Variants in FRMD4B observed in about 807,000 individuals in gnomAD.
FRMD4B encodes the protein FERM domain containing 4B, also known as FERM domain-containing protein 4B.
Under a neutral mutation model 141.5 loss-of-function variants are expected in FRMD4B, and 74 were observed. That is an observed-to-expected ratio of 0.52 (90% CI 0.43 to 0.63). The LOEUF is 0.63. Ranked by LOEUF, FRMD4B falls within the 30% of genes least tolerant of loss-of-function variation. The pLI, the probability that FRMD4B is intolerant of heterozygous loss-of-function variation, is 0.00. For missense variants in FRMD4B, 1,366 were observed against 1,253.4 expected, an observed-to-expected ratio of 1.09 and a Z score of -1.36; for synonymous variants, 506 against 467.9, an observed-to-expected ratio of 1.08 and a Z score of -1.05.
intron 7 of FRMD4B, among the ~76,000 whole-genome samples, chr3:69,231,839 G>A (rs2093308297): frequency 6.6e-6 from 1 of 152,222 alleles, no homozygotes. Flanking sequence ...AGAAGGTTAA[G>A]CTCGATCGTT....
chr3:69,374,581 C>T (rs1014266308), intron 1 of FRMD4B, among the ~76,000 whole-genome samples: 10 of 152,162 alleles, frequency 6.6e-5, no homozygotes, highest in Non-Finnish European at 1.2e-4. Flanking sequence ...AGCTTTTGTG[C>T]ATGAGGATAT....
chr3:69,200,817 A>T (rs994762797), intron 11 of FRMD4B: 6 of 519,622 alleles, frequency 1.2e-5, no homozygotes. Context: ...CTCACCCTGG[A>T]CATGAACAGG....
At chr3:69,182,506 C>T in intron 20 of FRMD4B, 92 bp downstream of exon 20, 4 of 1,226,264 alleles carry the variant, frequency 3.3e-6, no homozygotes, top group Non-Finnish European at 4.5e-6. Context: ...TACAGAAAGT[C>T]ACTTGAAATG....
intron 1 of FRMD4B, among the ~76,000 whole-genome samples, chr3:69,342,711 A>G (rs888334384): frequency 3.3e-5 from 5 of 152,202 alleles, no homozygotes; most frequent in African/African-American, 1.2e-4. Flanking sequence ...CAGTGATTAG[A>G]TCAGAGTAAT....
chr3:69,264,357 G>A (rs1028463513), intron 5 of FRMD4B, among the ~76,000 whole-genome samples: 1 of 152,170 alleles, frequency 6.6e-6, no homozygotes, highest in African/African-American at 2.4e-5. Context: ...CACACAGCAG[G>A]TGTTCAGTAT....
At chr3:69,294,695 C>T (rs1700983153) in intron 4 of FRMD4B, among the ~76,000 whole-genome samples, 1 of 152,148 alleles carries the variant, frequency 6.6e-6, no homozygotes, top group African/African-American at 2.4e-5. Context: ...CTTGCTGTGA[C>T]CTGCCAGGAA....
chr3:69,345,065 G>T (rs549106776), intron 1 of FRMD4B, among the ~76,000 whole-genome samples: 21 of 151,962 alleles, frequency 1.4e-4, no homozygotes, highest in Non-Finnish European at 3.1e-4. Flanking sequence ...AGCACAAGGG[G>T]TCAGGGAATT....
intron 10 of FRMD4B, 29 bp downstream of exon 10, chr3:69,218,293 C>T (rs780884516): frequency 2.3e-5 from 28 of 1,209,650 alleles, no homozygotes; most frequent in South Asian, 1.5e-4. Flanking sequence ...TCAATCATCA[C>T]GAAAGCTTTG....
intron 1 of FRMD4B, among the ~76,000 whole-genome samples, chr3:69,502,369 A>G (rs1299674873): frequency 6.6e-6 from 1 of 152,226 alleles, no homozygotes; most frequent in Admixed American, 6.5e-5. Flanking sequence ...GCCCTCAGAA[A>G]TAATACCACA....
Position 69,171,534 on chromosome 3 carries a change from G to A in FRMD4B, c.*327C>T, listed in dbSNP as rs950706247. ...CTGAATGCCCTTTCATGTTTTTGAG[G>A]TTTGCCTTTAACAACTTTTACTCCC... is the stretch of plus-strand genomic sequence containing the variant. On this transcript the variant is annotated 3_prime_UTR_variant, in exon 23 of 23. Transcript: ENST00000398540. 4.8e-5 allele frequency: 9 copies of A among 188,628 alleles called. No homozygotes were observed. Among genetic ancestry groups the A allele is most frequent in the African/African-American group, 1.4e-4 (6 of 42,350 alleles). 11.7% of individuals were successfully genotyped at this position (188,628 alleles called of 1,614,324 possible).
At chr3:69,538,767 A>T (rs973278998) in intron 1 of FRMD4B, among the ~76,000 whole-genome samples, 1 of 152,198 alleles carries the variant, frequency 6.6e-6, no homozygotes, top group Non-Finnish European at 1.5e-5. Flanking sequence ...TAGCAACAGA[A>T]AATTGTTATC....
At chr3:69,307,901 G>C (rs142440870) in intron 3 of FRMD4B, among the ~76,000 whole-genome samples, 1 of 152,256 alleles carries the variant, frequency 6.6e-6, no homozygotes, top group East Asian at 1.9e-4. Flanking sequence ...GCTCACCTAT[G>C]ATCTTGTCCC....
intron 7 of FRMD4B, among the ~76,000 whole-genome samples, chr3:69,239,290 T>A (rs2093366071): frequency 6.6e-6 from 1 of 152,220 alleles, no homozygotes; most frequent in Non-Finnish European, 1.5e-5. Context: ...TTCTGGGAAG[T>A]GCAGTGTCCT....
At chr3:69,272,459 C>G (rs1419925488) in intron 5 of FRMD4B, among the ~76,000 whole-genome samples, 1 of 152,104 alleles carries the variant, frequency 6.6e-6, no homozygotes, top group Admixed American at 6.5e-5. Context: ...TGCGCCCAGC[C>G]CATTCACAAG....
At chr3:69,292,234 T>C (rs1287992789) in intron 4 of FRMD4B, among the ~76,000 whole-genome samples, 1 of 152,130 alleles carries the variant, frequency 6.6e-6, no homozygotes, top group East Asian at 1.9e-4. Flanking sequence ...GCTGCCAAAC[T>C]GAAATCCATA....
At chr3:69,278,676 T>A (rs1238834063) in intron 5 of FRMD4B, among the ~76,000 whole-genome samples, 1 of 151,184 alleles carries the variant, frequency 6.6e-6, no homozygotes, top group Non-Finnish European at 1.5e-5. Flanking sequence ...AACCTCCACC[T>A]CCTGGGTTCA....
intron 5 of FRMD4B, among the ~76,000 whole-genome samples, chr3:69,278,346 G>C (rs2093628136): frequency 6.6e-6 from 1 of 152,126 alleles, no homozygotes; most frequent in African/African-American, 2.4e-5. Flanking sequence ...TCATCCAGGT[G>C]GGAGTGCGGT....
chr3:69,343,577 G>GTTTTTGTTTTTTTTTTTTTTTTTTTT (rs775904583), intron 1 of FRMD4B, among the ~76,000 whole-genome samples: 3 of 126,538 alleles, frequency 2.4e-5, no homozygotes, highest in African/African-American at 9.1e-5. Context: ...ACAGTTTTTT[G>GTTTTTGTTTTTTTTTTTTTTTTTTTT]TTTTTTTTTT....
intron 21 of FRMD4B, among the ~76,000 whole-genome samples, chr3:69,177,562 A>G (rs2092660498): frequency 6.6e-6 from 1 of 152,160 alleles, no homozygotes; most frequent in South Asian, 2.1e-4. Context: ...AGGTGGGAGG[A>G]TCACTCAAGC....
Sources: gnomAD v4.1 joint callset for allele counts (sites outside exome capture counted in the v4.1 genomes callset) on GRCh38, gnomAD v4.1.1 for gene constraint, MANE v1.5 for transcripts, NCBI Gene and HGNC (gene_info 2026-07-23, HGNC 2026-07-21) for gene names.